The following GRM7 variants were observed in gnomAD, a reference collection of about 807,000 sequenced individuals.
The protein encoded by GRM7 is glutamate metabotropic receptor 7, also known as metabotropic glutamate receptor 7.
In GRM7, 35 loss-of-function variants were observed where a neutral mutation model predicts 84.5. That is an observed-to-expected ratio of 0.41 (90% CI 0.32 to 0.55). The LOEUF is 0.55. GRM7 is among the 20% of genes least tolerant of loss of function. The pLI is 0.19. For synonymous variants in GRM7, 487 were observed against 455.1 expected (o/e 1.07, Z -0.89); for missense variants, 1,003 against 1,194.6 (o/e 0.84, Z 2.36).
chr3:7,278,701 A>T (rs1299748678), intron 2 of GRM7, among the ~76,000 whole-genome samples: 1 of 152,180 alleles, frequency 6.6e-6, no homozygotes, highest in Non-Finnish European at 1.5e-5. Flanking sequence ...GAAGACAAGC[A>T]TATGAGCAAG....
chr3:7,220,470 T>C (rs2124872955), intron 2 of GRM7, among the ~76,000 whole-genome samples: 1 of 152,208 alleles, frequency 6.6e-6, no homozygotes, highest in East Asian at 1.9e-4. Flanking sequence ...TGGCCAGTAC[T>C]CCTCAAAGCT....
intron 1 of GRM7, among the ~76,000 whole-genome samples, chr3:7,041,989 G>C (rs554625658): frequency 9.9e-5 from 15 of 152,282 alleles, no homozygotes; most frequent in Admixed American, 2.6e-4. Context: ...CTATCAGATA[G>C]CTGAGCACAT....
intron 1 of GRM7, among the ~76,000 whole-genome samples, chr3:7,141,438 C>T (rs1431824300): frequency 2.0e-5 from 3 of 151,714 alleles, no homozygotes; most frequent in Non-Finnish European, 4.4e-5. Context: ...GAATGAACAA[C>T]CAAATAGATA....
intron 8 of GRM7, among the ~76,000 whole-genome samples, chr3:7,611,519 G>C (rs1286988990): frequency 6.6e-6 from 1 of 152,112 alleles, no homozygotes; most frequent in Non-Finnish European, 1.5e-5. Context: ...AGGTATAGAA[G>C]ACAGAGGCCA....
chr3:6,923,256 C>T (rs1220769724), intron 1 of GRM7, among the ~76,000 whole-genome samples: 1 of 152,050 alleles, frequency 6.6e-6, no homozygotes, highest in African/African-American at 2.4e-5. Context: ...CTCAGATGAT[C>T]CACCTGCCTC....
intron 1 of GRM7, among the ~76,000 whole-genome samples, chr3:7,083,275 A>G (rs568200467): frequency 3.9e-5 from 6 of 152,286 alleles, no homozygotes; most frequent in African/African-American, 1.2e-4. Flanking sequence ...CCACCAGCAA[A>G]AAGATTACAG....
rs1695110406 is a variant in GRM7, at chr3:7,579,076, G to A, written c.2170G>A (p.Asp724Asn). ...LLGVFIWFGV[D>N]PPNIIIDYDE... is the part of the protein sequence containing the mutation. ...AGGGGTGTTCATTTGGTTTGGTGTT[G>A]ATCCACCCAACATCATCATAGACTA... Residue 724 changes from aspartate (D) to asparagine (N), a missense_variant, in exon 8 of 10, where the codon GAT (aspartate) becomes AAT (asparagine). Asp to Asn is a conservative substitution (Grantham distance 23, BLOSUM62 1). Coordinates refer to ENST00000357716, the MANE Select transcript of GRM7 (RefSeq NM_000844.4). The A allele has an allele frequency of 6.2e-7, 1 of 1,614,016 alleles. No homozygotes were observed. The highest frequency in any genetic ancestry group is 8.5e-7 in the Non-Finnish European group (1 of 1,179,944).
intron 8 of GRM7, among the ~76,000 whole-genome samples, chr3:7,624,756 A>C (rs1697527309): frequency 6.6e-6 from 1 of 152,182 alleles, no homozygotes; most frequent in African/African-American, 2.4e-5. Context: ...ATTTTACTGT[A>C]GGTGAGCTTA....
At chr3:7,500,610 C>T (rs1464341477) in intron 7 of GRM7, among the ~76,000 whole-genome samples, 1 of 152,230 alleles carries the variant, frequency 6.6e-6, no homozygotes, top group Non-Finnish European at 1.5e-5. Flanking sequence ...TTATCTAGCT[C>T]ATGAACACTT....
chr3:7,135,190 A>C (rs934863547), intron 1 of GRM7, among the ~76,000 whole-genome samples: 1 of 152,256 alleles, frequency 6.6e-6, no homozygotes, highest in African/African-American at 2.4e-5. Context: ...CCAAATTAGA[A>C]TTCCTGCCCA....
chr3:6,974,512 C>T (rs1480989609), intron 1 of GRM7, among the ~76,000 whole-genome samples: 2 of 152,134 alleles, frequency 1.3e-5, no homozygotes, highest in African/African-American at 2.4e-5. Context: ...GGGAACTCAA[C>T]ATGTAGCTGC....
chr3:7,258,050 A>G (rs1698273338), intron 2 of GRM7, among the ~76,000 whole-genome samples: 1 of 152,104 alleles, frequency 6.6e-6, no homozygotes. Context: ...TATTTGCATC[A>G]TATTTTTTTT....
chr3:7,460,099 T>TAAAAAAAAAAAAAAAA (rs71066013), intron 6 of GRM7, among the ~76,000 whole-genome samples: 16 of 49,544 alleles, frequency 3.2e-4, no homozygotes, highest in Non-Finnish European at 3.9e-4. Context: ...CTTAAAATAG[T>TAAAAAAAAAAAAAAAA]AAAAAAAAAA....
chr3:7,377,004 A>T (rs1461825752), intron 4 of GRM7, among the ~76,000 whole-genome samples: 4 of 152,230 alleles, frequency 2.6e-5, no homozygotes, highest in Non-Finnish European at 5.9e-5. Flanking sequence ...TTCAGTTGAG[A>T]ACCACTGCTG....
Position 6,861,994 on chromosome 3 carries a change from G to C in GRM7, c.519+87G>C. The C allele has an allele frequency of 8.8e-7, 1 of 1,135,216 alleles. No homozygotes were observed. The highest frequency in any genetic ancestry group is 1.5e-5 in the South Asian group (1 of 66,508). The allele number at this position is 1,135,216 out of a possible 1,614,324, so 70.3% of individuals were successfully genotyped here. ...AGCTGGCTTGGACTCCGGTGGTGCG[G>C]GTCAGGTCAGCCTTCGCTCATTTCC... On this transcript the variant is annotated intron_variant, in intron 1 of 9. Coordinates refer to ENST00000357716, the MANE Select transcript of GRM7 (RefSeq NM_000844.4). The surrounding 1 kb of genome is among the most constrained non-coding windows in gnomAD (Gnocchi z 6.4).
Position 7,661,794 on chromosome 3 carries a change from C to CAAAAAAAAAAAAAAAAAAAAAAAAAA in GRM7, c.2452-18254_2452-18229dup, listed in dbSNP as rs71043686. ...GGGCCACAGAGCGAGGTCTCCGTCTCAAAAAAAAAAAAAAAAAAAAAAAAA... is the reference window on the plus strand; with the variant it reads ...GGGCCACAGAGCGAGGTCTCCGTCTCAAAAAAAAAAAAAAAAAAAAAAAAAAAAAAAAAAAAAAAAAAAAAAAAAAA... On this transcript the variant is annotated intron_variant, in intron 8 of 9. Transcript: ENST00000357716. Among the ~76,000 whole-genome samples, 43 of 28,202 alleles carry CAAAAAAAAAAAAAAAAAAAAAAAAAA rather than the reference C, an allele frequency of 1.5e-3. 6 individuals carry two copies. Among genetic ancestry groups the CAAAAAAAAAAAAAAAAAAAAAAAAAA allele is most frequent in the East Asian group, 5.5e-3 (3 of 546 alleles). The allele number at this position is 28,202 out of a possible 152,430, so 18.5% of individuals were successfully genotyped here. A position where few individuals can be genotyped will look rare whatever the true frequency, so the allele number is the denominator to read the frequency against.
intron 4 of GRM7, among the ~76,000 whole-genome samples, chr3:7,411,333 A>C (rs538426548): frequency 3.9e-5 from 6 of 152,326 alleles, no homozygotes; most frequent in Non-Finnish European, 7.3e-5. Flanking sequence ...ATAGAAATAT[A>C]AAAGGGCATG....
chr3:7,027,949 C>G (rs903095122), intron 1 of GRM7, among the ~76,000 whole-genome samples: 15 of 152,114 alleles, frequency 9.9e-5, no homozygotes, highest in African/African-American at 3.4e-4. Flanking sequence ...TACTTAGCCT[C>G]AAAAGAATTT....
At chr3:6,930,570 T>A (rs1357992572) in intron 1 of GRM7, among the ~76,000 whole-genome samples, 1 of 152,186 alleles carries the variant, frequency 6.6e-6, no homozygotes, top group East Asian at 1.9e-4. Context: ...AGTTTAGCTC[T>A]TACTAAATTA....
Sources: allele counts gnomAD v4.1 joint callset (sites outside exome capture counted in the v4.1 genomes callset), GRCh38; gene constraint gnomAD v4.1.1; non-coding constraint Gnocchi (gnomAD v3.1); transcripts MANE v1.5; gene names NCBI Gene and HGNC (gene_info 2026-07-23, HGNC 2026-07-21).